The following HIBCH variants were observed in gnomAD, a reference collection of about 807,000 sequenced individuals.
HIBCH encodes the protein 3-hydroxyisobutyryl-CoA hydrolase, mitochondrial.
In HIBCH, 50 loss-of-function variants were observed where a neutral mutation model predicts 58.2. The observed-to-expected ratio is 0.86, with a 90% CI of 0.68 to 1.09. The LOEUF (loss-of-function observed/expected upper bound fraction) is 1.09. Ranked by LOEUF, HIBCH falls within the 50% of genes least tolerant of loss-of-function variation. The pLI is 0.00. For synonymous variants in HIBCH, 151 were observed against 146.9 expected (o/e 1.03, Z -0.20); for missense variants, 450 against 449.7 (o/e 1.00, Z -0.01).
At chr2:190,316,097 C>T (rs1331119199) in intron 1 of HIBCH, among the ~76,000 whole-genome samples, 1 of 152,068 alleles carries the variant, frequency 6.6e-6, no homozygotes, top group East Asian at 1.9e-4. Context: ...AGAAAGATGC[C>T]AACTGTAACT....
In HIBCH at chr2:190,217,899, C is replaced by G. The variant is rs1340775387; in HGVS notation, c.892-4824G>C. On this transcript the variant is annotated intron_variant, in intron 11 of 13. Coordinates refer to ENST00000359678, the MANE Select transcript of HIBCH (RefSeq NM_014362.4). The surrounding 1 kb of genome is among the most constrained non-coding windows in gnomAD (Gnocchi z 4.6). ...GAATGTATAAATCACCTAAGAAACC[C>G]TTAAAGCTAACTCTAAGGAAAACCT... is the stretch of plus-strand genomic sequence containing the variant. Among the ~76,000 whole-genome samples, 2 of 152,104 alleles carry G rather than the reference C, an allele frequency of 1.3e-5. No individual in the cohort carries two copies. The highest frequency in any genetic ancestry group is 1.9e-4 in the East Asian group (1 of 5,204).
chr2:190,288,660 A>C (rs1687887843), intron 5 of HIBCH, among the ~76,000 whole-genome samples: 1 of 152,074 alleles, frequency 6.6e-6, no homozygotes. Flanking sequence ...GATAGTATTT[A>C]TGTAAATTGC....
At chr2:190,300,850 C>T (rs186271013) in intron 2 of HIBCH, among the ~76,000 whole-genome samples, 3 of 152,252 alleles carry the variant, frequency 2.0e-5, no homozygotes, top group East Asian at 3.9e-4. Flanking sequence ...GCAAGGGGTC[C>T]GGTTTCCATT....
rs984062807 is a variant in HIBCH, at chr2:190,284,436, C to G, written c.438+3150G>C. Among the ~76,000 whole-genome samples the G allele has an allele frequency of 2.0e-5, 3 of 152,192 alleles. 1 individual carries two copies. The East Asian group carries it at 5.8e-4, about 29-fold the overall frequency. ...AGCACCAAAGGGCAGCTTACCAATC[C>G]TTTCATATCAGAAGGAGTCTTGAGT... is the stretch of plus-strand genomic sequence containing the variant. On this transcript the variant is annotated intron_variant, in intron 6 of 13. Coordinates refer to ENST00000359678, the MANE Select transcript of HIBCH (RefSeq NM_014362.4).
chr2:190,195,771 CAAT>C (rs1193892166), intron 1 of HIBCH, among the ~76,000 whole-genome samples: 1 of 152,150 alleles, frequency 6.6e-6, no homozygotes, highest in Non-Finnish European at 1.5e-5. Flanking sequence ...TCCAACTTAT[CAAT>C]TATTTCTTTA....
chr2:190,289,561 T>A (rs1193273416), intron 5 of HIBCH, among the ~76,000 whole-genome samples: 2 of 152,182 alleles, frequency 1.3e-5, no homozygotes, highest in Non-Finnish European at 2.9e-5. Flanking sequence ...AAAAATGGGC[T>A]GAAATGTAAC....
rs906378295 is a variant in HIBCH, at chr2:190,304,653, T to G, written c.78+6101A>C. On this transcript the variant is annotated intron_variant, in intron 2 of 13. Transcript: ENST00000359678. The surrounding 1 kb of genome is among the most constrained non-coding windows in gnomAD (Gnocchi z 4.1). ...TTTGATAAGTGTACCATAGTAAGAA[T>G]AGTAGGCAGTTTGCTAGGGCTGCCA... Among the ~76,000 whole-genome samples the G allele has an allele frequency of 6.6e-6, 1 of 152,180 alleles. No individual in the cohort carries two copies. Among genetic ancestry groups the G allele is most frequent in the East Asian group, 1.9e-4 (1 of 5,194 alleles).
chr2:190,196,114 A>G (rs183114182), intron 1 of HIBCH, among the ~76,000 whole-genome samples: 1 of 151,616 alleles, frequency 6.6e-6, no homozygotes, highest in African/African-American at 2.4e-5. Context: ...AGGCTTTTTC[A>G]TATGTTGGTT....
intron 6 of HIBCH, among the ~76,000 whole-genome samples, chr2:190,285,866 G>C (rs1037505925): frequency 4.0e-5 from 6 of 151,724 alleles, no homozygotes; most frequent in African/African-American, 1.5e-4. Context: ...TTTGTTTTTT[G>C]AGACAGAGTC....
chr2:190,205,826 C>T (rs1356733641), intron 13 of HIBCH, among the ~76,000 whole-genome samples: 1 of 152,118 alleles, frequency 6.6e-6, no homozygotes, highest in African/African-American at 2.4e-5. Context: ...ATCATAGCCA[C>T]ATAGTATCCC....
intron 2 of HIBCH, among the ~76,000 whole-genome samples, chr2:190,305,855 C>T (rs1182196701): frequency 1.3e-5 from 2 of 152,282 alleles, no homozygotes; most frequent in East Asian, 3.9e-4. Flanking sequence ...CAGCTGAACC[C>T]ATAATCTCAG....
chr2:190,290,325 G>T, intron 5 of HIBCH, 80 bp downstream of exon 5: 3 of 959,718 alleles, frequency 3.1e-6, no homozygotes, highest in Non-Finnish European at 5.1e-6. Flanking sequence ...GATGCCTATT[G>T]ATTGCATTTT....
At chr2:190,282,184 C>T (rs1300764447) in intron 6 of HIBCH, among the ~76,000 whole-genome samples, 1 of 152,206 alleles carries the variant, frequency 6.6e-6, no homozygotes, top group Admixed American at 6.5e-5. Context: ...TCCACAATTT[C>T]AGGTATTTGT....
chr2:190,212,157 G>C (rs1291374629), intron 12 of HIBCH, among the ~76,000 whole-genome samples: 2 of 152,192 alleles, frequency 1.3e-5, no homozygotes, highest in Admixed American at 6.5e-5. Context: ...GCCTAGCGTA[G>C]TACCTGCACA....
chr2:190,257,703 A>T (rs1686965355), intron 7 of HIBCH, among the ~76,000 whole-genome samples: 1 of 152,174 alleles, frequency 6.6e-6, no homozygotes, highest in Admixed American at 6.6e-5. Context: ...GGGAAGCCCA[A>T]TATCATGGTG....
Position 190,207,004 on chromosome 2 carries a change from C to T in HIBCH, c.1046-1772G>A, listed in dbSNP as rs1453482197. ...AGGCGTGGTGGCAGGCGCTTTTAGT[C>T]CCAGCTACTCGGGAGGCTGAGGCAG... On this transcript the variant is annotated intron_variant, in intron 13 of 13. Coordinates refer to ENST00000359678, the MANE Select transcript of HIBCH (RefSeq NM_014362.4). This position sits in a 1 kb window ranked among gnomAD's most constrained non-coding sequence, Gnocchi z 4.5. Among the ~76,000 whole-genome samples, 1 of 152,058 alleles carries T rather than the reference C, an allele frequency of 6.6e-6. No individual in the cohort carries two copies.
intron 6 of HIBCH, among the ~76,000 whole-genome samples, chr2:190,273,086 A>G (rs1168761493): frequency 6.6e-6 from 1 of 152,172 alleles, no homozygotes; most frequent in Non-Finnish European, 1.5e-5. Flanking sequence ...ACTATAAGAA[A>G]CTACGCAACT....
At chr2:190,299,182 C>T (rs1038593674) in intron 2 of HIBCH, among the ~76,000 whole-genome samples, 6 of 152,154 alleles carry the variant, frequency 3.9e-5, no homozygotes, top group Non-Finnish European at 8.8e-5. Context: ...AAACAGCACA[C>T]TTATTAGCAA....
intron 6 of HIBCH, among the ~76,000 whole-genome samples, chr2:190,262,163 C>CAAAAAAAAAAAAAAAAAAA (rs982653583): frequency 1.1e-5 from 1 of 91,940 alleles, no homozygotes; most frequent in African/African-American, 3.9e-5. Context: ...GCGGTAGAGA[C>CAAAAAAAAAAAAAAAAAAA]AAAAAAAAAA....
Sources: gnomAD v4.1 joint callset for allele counts (sites outside exome capture counted in the v4.1 genomes callset) on GRCh38, gnomAD v4.1.1 for gene constraint, Gnocchi (gnomAD v3.1) non-coding constraint, MANE v1.5 for transcripts, NCBI Gene and HGNC (gene_info 2026-07-23, HGNC 2026-07-21) for gene names.